The following SUPT3H variants were observed in gnomAD, a reference collection of about 807,000 sequenced individuals.
SUPT3H encodes transcription initiation protein SPT3 homolog.
Under a neutral mutation model 44.3 loss-of-function variants are expected in SUPT3H, and 44 were observed. That is an observed-to-expected ratio of 0.99 (90% confidence interval 0.78 to 1.28). The LOEUF (loss-of-function observed/expected upper bound fraction) is 1.28. Among genes scored for constraint, SUPT3H ranks in the 50% most tolerant of loss-of-function variants. The probability of loss-of-function intolerance (pLI) is 0.00; values close to 1 mark genes in which losing one functional copy is unlikely to be tolerated. For missense variants in SUPT3H, 380 were observed against 387.1 expected, an observed-to-expected ratio of 0.98 and a Z score of 0.15; for synonymous variants, 124 against 125.6, an observed-to-expected ratio of 0.99 and a Z score of 0.09.
intron 2 of SUPT3H, among the ~76,000 whole-genome samples, chr6:45,238,619 C>A (rs536318125): frequency 1.3e-5 from 2 of 152,150 alleles, no homozygotes; most frequent in Non-Finnish European, 2.9e-5. Flanking sequence ...TCAGCATTCA[C>A]CTACTGTTGT....
At chr6:45,230,683 TATA>T (rs1562746936) in intron 2 of SUPT3H, among the ~76,000 whole-genome samples, 37 of 117,660 alleles carry the variant, frequency 3.1e-4, no homozygotes, top group Admixed American at 8.5e-4. Flanking sequence ...TATATATATA[TATA>T]TTTTTGAGAT....
chr6:45,205,750 T>C (rs1020032271), intron 2 of SUPT3H, among the ~76,000 whole-genome samples: 4 of 151,978 alleles, frequency 2.6e-5, no homozygotes, highest in South Asian at 4.2e-4. Flanking sequence ...TGAGCCAAGA[T>C]TGCGCCACTC....
At chr6:44,962,014 T>C (rs1249395157) in intron 6 of SUPT3H, among the ~76,000 whole-genome samples, 186 bp from the exon 7 acceptor site, 2 of 152,304 alleles carry the variant, frequency 1.3e-5, no homozygotes, top group African/African-American at 4.8e-5. Flanking sequence ...CTGGTGTCTT[T>C]TGGAAATAAA....
chr6:45,010,814 A>G (rs992319314), intron 5 of SUPT3H, among the ~76,000 whole-genome samples: 1 of 152,104 alleles, frequency 6.6e-6, no homozygotes, highest in African/African-American at 2.4e-5. Flanking sequence ...AGGCTTCAAC[A>G]TATATATTCA....
At chr6:44,898,165 G>A (rs1481221871) in intron 10 of SUPT3H, among the ~76,000 whole-genome samples, 1 of 152,196 alleles carries the variant, frequency 6.6e-6, no homozygotes, top group Non-Finnish European at 1.5e-5. Flanking sequence ...TTATCCTAAA[G>A]ATTATATCCT....
rs945539770 is a variant in SUPT3H, at chr6:44,901,394, G to A, written c.912+31259C>T. The stretch of plus-strand genomic sequence containing the variant: ...GACGAATGCACAAGCCTCAGTAGCC[G>A]ATATGATCGACTGGAAGAAAGGGTA... On this transcript the variant is annotated intron_variant, in intron 10 of 10. Transcript: ENST00000371459. 5.3e-5 allele frequency among the ~76,000 whole-genome samples: 8 copies of A among 152,310 alleles called. No individual in the cohort carries two copies. The East Asian group carries it at 5.8e-4, about 11-fold the overall frequency.
intron 2 of SUPT3H, among the ~76,000 whole-genome samples, chr6:45,296,532 A>G (rs924068524): frequency 9.2e-5 from 14 of 152,086 alleles, no homozygotes; most frequent in African/African-American, 3.4e-4. Context: ...TGAGGCCAGG[A>G]GTTTGAGACT....
At chr6:44,864,030 T>A (rs1363476483) in intron 10 of SUPT3H, among the ~76,000 whole-genome samples, 1 of 151,872 alleles carries the variant, frequency 6.6e-6, no homozygotes, top group African/African-American at 2.4e-5. Flanking sequence ...GGACACAGAA[T>A]GAAAGCATAT....
chr6:45,356,611 G>C (rs1188588393), intron 2 of SUPT3H, among the ~76,000 whole-genome samples: 1 of 152,012 alleles, frequency 6.6e-6, no homozygotes, highest in Non-Finnish European at 1.5e-5. Flanking sequence ...ATGGTGGCCA[G>C]GCTGGTCTCG....
chr6:44,820,392 C>T (rs189401879), intron 11 of SUPT3H, among the ~76,000 whole-genome samples: 1 of 152,120 alleles, frequency 6.6e-6, no homozygotes, highest in Non-Finnish European at 1.5e-5. Context: ...TGTTGAAAAA[C>T]ACAGTTGAAG....
chr6:45,333,468 T>C (rs542542525), intron 2 of SUPT3H, among the ~76,000 whole-genome samples: 49 of 151,682 alleles, frequency 3.2e-4, no homozygotes, highest in Middle Eastern at 3.4e-3. Flanking sequence ...CCCTTTATAC[T>C]ATTTATTAAG....
At chr6:45,010,692 CT>C (rs1256885128) in intron 5 of SUPT3H, among the ~76,000 whole-genome samples, 1 of 152,056 alleles carries the variant, frequency 6.6e-6, no homozygotes, top group Non-Finnish European at 1.5e-5. Context: ...AAGAAACAAA[CT>C]TTCTTGTGTC....
intron 10 of SUPT3H, among the ~76,000 whole-genome samples, chr6:44,931,818 G>A (rs1031479257): frequency 1.3e-5 from 2 of 151,858 alleles, no homozygotes; most frequent in Non-Finnish European, 1.5e-5. Context: ...TTTATGAATA[G>A]TAAAATCCAC....
chr6:44,849,381 T>A (rs1240390067), intron 10 of SUPT3H, among the ~76,000 whole-genome samples: 15 of 150,958 alleles, frequency 9.9e-5, no homozygotes, highest in Non-Finnish European at 3.0e-5. Flanking sequence ...CGCCCGCCAC[T>A]ACGCCCGGCT....
Position 44,884,997 on chromosome 6 carries a change from G to T in SUPT3H, c.912+47656C>A, listed in dbSNP as rs144907234. On this transcript the variant is annotated intron_variant, in intron 10 of 10. Transcript: ENST00000371459. The stretch of plus-strand genomic sequence containing the variant: ...CTGGCTCGGAGGGTCCTACGCCCAC[G>T]GAGTCTGGCTGATTGCTAGCACAGC... Among the ~76,000 whole-genome samples the T allele has an allele frequency of 5.4e-3, 824 of 152,162 alleles. 13 individuals are homozygous for T. The highest frequency in any genetic ancestry group is 0.019 in the African/African-American group (794 of 41,560).
intron 2 of SUPT3H, among the ~76,000 whole-genome samples, chr6:45,342,318 G>A (rs1214239074): frequency 6.6e-6 from 1 of 152,060 alleles, no homozygotes; most frequent in Non-Finnish European, 1.5e-5. Flanking sequence ...CTGGAGTGCA[G>A]TGGCACAATC....
chr6:44,920,790 G>A lies in SUPT3H; in HGVS notation c.912+11863C>T, dbSNP rs185784451. The stretch of plus-strand genomic sequence containing the variant: ...CTTTGATGCTTCATCTCATCTCAAC[G>A]TACTCCAGATCCAGTTCCTCATCTT... On this transcript the variant is annotated intron_variant, in intron 10 of 10. Coordinates refer to ENST00000371459, the MANE Select transcript of SUPT3H (RefSeq NM_003599.4). Among the ~76,000 whole-genome samples the A allele has an allele frequency of 2.4e-4, 36 of 152,076 alleles. No homozygotes were observed. In the East Asian group the frequency reaches 5.6e-3, roughly 24 times the overall value.
intron 6 of SUPT3H, among the ~76,000 whole-genome samples, chr6:44,988,880 T>C (rs1166476956): frequency 6.6e-6 from 1 of 152,148 alleles, no homozygotes; most frequent in Non-Finnish European, 1.5e-5. Context: ...ATTTTCTAGC[T>C]TAAATAAAGT....
At chr6:45,083,476 C>T (rs1271918761) in intron 3 of SUPT3H, among the ~76,000 whole-genome samples, 1 of 152,012 alleles carries the variant, frequency 6.6e-6, no homozygotes, top group African/African-American at 2.4e-5. Flanking sequence ...AGGCATGAGC[C>T]ACTGTGCCCG....
Sources: allele counts gnomAD v4.1 joint callset (sites outside exome capture counted in the v4.1 genomes callset), GRCh38; gene constraint gnomAD v4.1.1; transcripts MANE v1.5; gene names NCBI Gene and HGNC (gene_info 2026-07-23, HGNC 2026-07-21).